The following COL11A2 variants were observed in gnomAD, a reference collection of about 807,000 sequenced individuals.
COL11A2 encodes collagen alpha-2(XI) chain.
In COL11A2, 116 loss-of-function variants were observed where a neutral mutation model predicts 273.4. That is an observed-to-expected ratio of 0.42 (90% CI 0.36 to 0.49). COL11A2 has a LOEUF of 0.49. COL11A2 is among the 20% of genes least tolerant of loss of function. The pLI, the probability that COL11A2 is intolerant of heterozygous loss-of-function variation, is 0.00. For synonymous variants in COL11A2, 782 were observed against 864.2 expected (o/e 0.90, Z 1.67); for missense variants, 1,866 against 2,309.0 (o/e 0.81, Z 3.93).
chr6:33,163,425 T>C lies in COL11A2; in HGVS notation c.*253A>G, dbSNP rs933404696. ...GGGTGATTGGGAGGTGAGTTTTAAA[T>C]AAGGGTCTCAGCTCTCTAACGGGTA... is the stretch of plus-strand genomic sequence containing the variant. On this transcript the variant is annotated 3_prime_UTR_variant, in exon 66 of 66. Coordinates refer to ENST00000341947, the MANE Select transcript of COL11A2 (RefSeq NM_080680.3). This position sits in a 1 kb window ranked among gnomAD's most constrained non-coding sequence, Gnocchi z 4.1. 2.1e-5 allele frequency: 12 copies of C among 582,294 alleles called. 1 individual carries two copies. The highest frequency in any genetic ancestry group is 7.5e-5 in the African/African-American group (4 of 53,622). The allele number at this position is 582,294 out of a possible 1,614,324, so 36.1% of individuals were successfully genotyped here. A position where few individuals can be genotyped will look rare whatever the true frequency, so the allele number is the denominator to read the frequency against.
chr6:33,171,091 G>A (rs375449689), intron 45 of COL11A2, 23 bp downstream of exon 45: 89 of 1,573,650 alleles, frequency 5.7e-5, no homozygotes, highest in Non-Finnish European at 6.8e-5. Context: ...TGGGCCTTCG[G>A]TGGGGGTGGA....
chr6:33,175,796 G>T, intron 29 of COL11A2, 115 bp from the exon 30 acceptor site: 3 of 1,147,672 alleles, frequency 2.6e-6, no homozygotes, highest in Admixed American at 1.8e-5. Context: ...AGGAGCCACT[G>T]CAGGACAGGA....
At position 33,179,334 on chromosome 6, in the gene COL11A2, G is replaced by C. The variant is rs1403378940; in HGVS notation, c.1504-50C>G. ...CGTAAGGAAGGACACAGCCAACAGT[G>C]GCCTCGGAGTGTTCCCCAAAAGAAG... On this transcript the variant is annotated intron_variant, in intron 14 of 65. Coordinates refer to ENST00000341947, the MANE Select transcript of COL11A2 (RefSeq NM_080680.3). This position sits in a 1 kb window ranked among gnomAD's most constrained non-coding sequence, Gnocchi z 6.4. The C allele has an allele frequency of 3.1e-6, 5 of 1,590,358 alleles. No individual in the cohort carries two copies. The Admixed American group carries it at 9.1e-5, about 29-fold the overall frequency.
rs377001136 is a variant in COL11A2, at chr6:33,167,541, A to G, written c.4015-8T>C. ...TATAGCGCCAGGATCTCCCTGAAACACACACAAGGAATGTGTCCTGAATGG... is the reference window on the plus strand; with the variant it reads ...TATAGCGCCAGGATCTCCCTGAAACGCACACAAGGAATGTGTCCTGAATGG... On this transcript the variant is annotated splice_polypyrimidine_tract_variant and splice_region_variant and intron_variant, in intron 55 of 65. Coordinates refer to ENST00000341947, the MANE Select transcript of COL11A2 (RefSeq NM_080680.3). This position sits in a 1 kb window ranked among gnomAD's most constrained non-coding sequence, Gnocchi z 6.1. 1.4e-4 allele frequency: 230 copies of G among 1,612,552 alleles called. No individual in the cohort carries two copies. The African/African-American group carries it at 2.3e-3, about 16-fold the overall frequency.
Position 33,172,381 on chromosome 6 carries a change from A to G in COL11A2, c.2899-3T>C. 6.3e-7 allele frequency: 1 copy of G among 1,583,170 alleles called. No homozygotes were observed. Among genetic ancestry groups the G allele is most frequent in the Non-Finnish European group, 8.6e-7 (1 of 1,164,528 alleles). ...GCCCCAGGGGGACCAGGGTCACCCTAAAAGGAAAGGAGAGGTGATGAGCCA... is the reference window on the plus strand; with the variant it reads ...GCCCCAGGGGGACCAGGGTCACCCTGAAAGGAAAGGAGAGGTGATGAGCCA... On this transcript the variant is annotated splice_polypyrimidine_tract_variant and splice_region_variant and intron_variant, in intron 39 of 65. Coordinates refer to ENST00000341947, the MANE Select transcript of COL11A2 (RefSeq NM_080680.3).
chr6:33,187,053 C>T (rs1238635804), intron 4 of COL11A2, among the ~76,000 whole-genome samples: 1 of 152,142 alleles, frequency 6.6e-6, no homozygotes, highest in Non-Finnish European at 1.5e-5. Context: ...TTTTCAGATA[C>T]GTTCCATTCA....
At position 33,175,580 on chromosome 6, in the gene COL11A2, G is replaced by C; in HGVS notation, c.2370C>G (p.Gly790=). Reference sequence around the variant, plus strand: ...AGAACCCTCATCCCATCACCTTCTCGCCCATGAGCCCTGGGGGCCCAGGGT... The same window carrying C: ...AGAACCCTCATCCCATCACCTTCTCCCCCATGAGCCCTGGGGGCCCAGGGT... The part of the protein sequence containing the change: ...TGDPGPPGLM[G]EKGKLGVPGL... The change falls in exon 30 of 66, where the codon GGC becomes GGG. Residue 790 remains glycine, a synonymous_variant. Transcript: ENST00000341947. 6.2e-7 allele frequency: 1 copy of C among 1,612,488 alleles called. No homozygotes were observed. The highest frequency in any genetic ancestry group is 1.3e-5 in the African/African-American group (1 of 74,970).
In COL11A2 at chr6:33,189,558, A is replaced by G; in HGVS notation, c.83-89T>C. The G allele has an allele frequency of 6.5e-7, 1 of 1,550,084 alleles. No homozygotes were observed. Among genetic ancestry groups the G allele is most frequent in the Non-Finnish European group, 8.8e-7 (1 of 1,134,678 alleles). ...TTTGGGATCTAGAACTCAGCTTTCC[A>G]GGGCTCAAACTCCCTGCAAGGGAAA... On this transcript the variant is annotated intron_variant, in intron 1 of 65. Transcript: ENST00000341947. This position sits in a 1 kb window ranked among gnomAD's most constrained non-coding sequence, Gnocchi z 5.6.
At chr6:33,186,330 C>T in intron 5 of COL11A2, 1 of 1,290,610 alleles carries the variant, frequency 7.7e-7, no homozygotes, top group Non-Finnish European at 1.0e-6. Context: ...TCTCACCCCT[C>T]TCCCACTGTC....
At position 33,163,534 on chromosome 6, in the gene COL11A2, G is replaced by A. The variant is rs1400977817; in HGVS notation, c.*144C>T. The A allele has an allele frequency of 5.3e-6, 7 of 1,322,010 alleles. No homozygotes were observed. The highest frequency in any genetic ancestry group is 1.5e-5 in the African/African-American group (1 of 68,920). The allele number at this position is 1,322,010 out of a possible 1,614,324, so 81.9% of individuals were successfully genotyped here. On this transcript the variant is annotated 3_prime_UTR_variant, in exon 66 of 66. Coordinates refer to ENST00000341947, the MANE Select transcript of COL11A2 (RefSeq NM_080680.3). This position sits in a 1 kb window ranked among gnomAD's most constrained non-coding sequence, Gnocchi z 4.1. ...AGGCAACCACTTCACCCCTCCCCTG[G>A]CCTGCCCCGACTGAGGGCTCTCCAC...
rs1321625199 is a variant in COL11A2, at chr6:33,179,106, G to A, written c.1578C>T (p.Gly526=). 1 of 1,613,818 alleles carries A rather than the reference G, an allele frequency of 6.2e-7. No homozygotes were observed. The highest frequency in any genetic ancestry group is 8.5e-7 in the Non-Finnish European group (1 of 1,179,864). ...CAGCCTTGCCAGGAGGGCCTGTGAG[G>A]CCCTGAGGTCCTCTGGGGCCCTGGT... ...LGPQGPRGPQ[G]LTGPPGKAGR... Residue 526 remains glycine (G), a synonymous_variant, in exon 16 of 66, where the codon GGC becomes GGT. Coordinates refer to ENST00000341947, the MANE Select transcript of COL11A2 (RefSeq NM_080680.3). This position sits in a 1 kb window ranked among gnomAD's most constrained non-coding sequence, Gnocchi z 6.4.
rs1196632183 is a variant in COL11A2 at position 33,170,590 on chromosome 6, C to T, written c.3495G>A (p.Gly1165=). Residue 1165 remains glycine (G), a synonymous_variant, in exon 47 of 66, where the codon GGG becomes GGA. Transcript: ENST00000341947. The surrounding 1 kb of genome is among the most constrained non-coding windows in gnomAD (Gnocchi z 4.3). ...CCACATCTCCTGTTTCTCCCTTCTC[C>T]CCAGAGGGGCCTGGCAAACCCTGTG... The part of the protein sequence containing the change: ...IGLQGLPGPS[G]EKGETGDVGP... 1.9e-6 allele frequency: 3 copies of T among 1,612,338 alleles called. No homozygotes were observed. Among genetic ancestry groups the T allele is most frequent in the Admixed American group, 3.3e-5 (2 of 59,984 alleles).
In COL11A2 at chr6:33,170,510, G is replaced by C. The variant is rs569193723; in HGVS notation, c.3528+47C>G. The C allele has an allele frequency of 5.6e-6, 9 of 1,603,654 alleles. No individual in the cohort carries two copies. The highest frequency in any genetic ancestry group is 7.7e-6 in the Non-Finnish European group (9 of 1,172,882). On this transcript the variant is annotated intron_variant, in intron 47 of 65. Coordinates refer to ENST00000341947, the MANE Select transcript of COL11A2 (RefSeq NM_080680.3). The surrounding 1 kb of genome is among the most constrained non-coding windows in gnomAD (Gnocchi z 4.3). ...GTGTGGGGTGGGGGCTGGCCAGGGA[G>C]GGGGGTGACTAGTATGGTGGCTAGG...
chr6:33,181,165 G>C lies in COL11A2; in HGVS notation c.1125C>G (p.Ala375=). The C allele has an allele frequency of 6.2e-7, 1 of 1,614,162 alleles. No individual in the cohort carries two copies. The highest frequency in any genetic ancestry group is 8.5e-7 in the Non-Finnish European group (1 of 1,180,050). Residue 375 remains alanine, a synonymous_variant, in exon 9 of 66, where the codon GCC becomes GCG. Transcript: ENST00000341947. ...SAETAHSGAA[A]HGPRGLKGEK... ...CTCCCTTCAGCCCTCGGGGTCCATG[G>C]GCAGCCTGAAGGAGACACACATGTA...
chr6:33,177,253 G>A lies in COL11A2; in HGVS notation c.1972-28C>T, dbSNP rs1562352999. 1 of 1,612,844 alleles carries A rather than the reference G, an allele frequency of 6.2e-7. No homozygotes were observed. Among genetic ancestry groups the A allele is most frequent in the East Asian group, 2.2e-5 (1 of 44,880 alleles). The stretch of plus-strand genomic sequence containing the variant: ...ACATACAGGGAAAGAGAAGTCACAG[G>A]GGCCTCCCAGGGTCTCTTCTATCCA... On this transcript the variant is annotated intron_variant, in intron 23 of 65. Transcript: ENST00000341947. This position sits in a 1 kb window ranked among gnomAD's most constrained non-coding sequence, Gnocchi z 5.9.
rs1233739322 is a variant in COL11A2 at position 33,172,588 on chromosome 6, G to T, written c.2840C>A (p.Pro947His). The T allele has an allele frequency of 6.2e-7, 1 of 1,612,624 alleles. No individual in the cohort carries two copies. The highest frequency in any genetic ancestry group is 1.3e-5 in the African/African-American group (1 of 74,946). The change falls in exon 39 of 66, where the codon CCC becomes CAC. Residue 947 changes from proline (P) to histidine (H), a missense_variant. By Grantham distance (77) the Pro-to-His change is moderately conservative. Transcript: ENST00000341947. ...GPMGERGHPG[P>H]PGPPGEQGLP... is the part of the protein sequence containing the mutation. ...TCCCTGCTCTCCAGGGGGCCCCGGG[G>T]GGCCTGGGTGACCTCTCTCCCCCAT... is the stretch of plus-strand genomic sequence containing the variant.
Position 33,167,722 on chromosome 6 carries a change from G to C in COL11A2, c.4014+77C>G. 1 of 1,561,122 alleles carries C rather than the reference G, an allele frequency of 6.4e-7. No homozygotes were observed. Among genetic ancestry groups the C allele is most frequent in the Non-Finnish European group, 8.8e-7 (1 of 1,137,614 alleles). On this transcript the variant is annotated intron_variant, in intron 55 of 65. Transcript: ENST00000341947. The surrounding 1 kb of genome is among the most constrained non-coding windows in gnomAD (Gnocchi z 6.1). ...AACATGGGAGAGGTGGAGATGGGGTGGGCATCTGGAGACGGAGGCATCTGA... is the reference window on the plus strand; with the variant it reads ...AACATGGGAGAGGTGGAGATGGGGTCGGCATCTGGAGACGGAGGCATCTGA...
At chr6:33,193,066 G>C (rs993648588), upstream of COL11A2, among the ~76,000 whole-genome samples, 1 of 152,112 alleles carries the variant, frequency 6.6e-6, no homozygotes, top group Non-Finnish European at 1.5e-5. Flanking sequence ...ATGCAAATGG[G>C]GGACGCGGTT....
At position 33,178,047 on chromosome 6, in the gene COL11A2, G is replaced by C; in HGVS notation, c.1872+85C>G. ...GAATGGGAAGCATGCCGAGAGAGGA[G>C]AGGGAGCAGGAAGGCAGCTAGAAAG... is the stretch of plus-strand genomic sequence containing the variant. On this transcript the variant is annotated intron_variant, in intron 21 of 65. Coordinates refer to ENST00000341947, the MANE Select transcript of COL11A2 (RefSeq NM_080680.3). The surrounding 1 kb of genome is among the most constrained non-coding windows in gnomAD (Gnocchi z 4.6). The C allele has an allele frequency of 7.4e-7, 1 of 1,354,780 alleles. No individual in the cohort carries two copies. The highest frequency in any genetic ancestry group is 1.0e-6 in the Non-Finnish European group (1 of 965,576). 83.9% of individuals were successfully genotyped at this position (1,354,780 alleles called of 1,614,324 possible).
Sources: gnomAD v4.1 joint callset for allele counts (sites outside exome capture counted in the v4.1 genomes callset) on GRCh38, gnomAD v4.1.1 for gene constraint, Gnocchi (gnomAD v3.1) non-coding constraint, MANE v1.5 for transcripts, NCBI Gene and HGNC (gene_info 2026-07-23, HGNC 2026-07-21) for gene names.